The following CAPS2 variants were observed in gnomAD, a reference collection of about 807,000 sequenced individuals.
CAPS2 encodes the protein calcyphosine 2.
Under a neutral mutation model 86.5 loss-of-function variants are expected in CAPS2, and 98 were observed. The ratio of observed to expected loss-of-function variants is 1.13; its 90% CI spans 0.96 to 1.34. The LOEUF (loss-of-function observed/expected upper bound fraction) is 1.34, where lower values mean the gene tolerates loss of function less well. Ranked by LOEUF, CAPS2 falls within the 40% of genes most tolerant of loss-of-function variation. The pLI is 0.00. For missense variants in CAPS2, 729 were observed against 686.8 expected, an observed-to-expected ratio of 1.06 and a Z score of -0.69; for synonymous variants, 210 against 225.1, an observed-to-expected ratio of 0.93 and a Z score of 0.60.
intron 1 of CAPS2, among the ~76,000 whole-genome samples, chr12:75,354,335 A>G (rs1173544660): frequency 2.6e-5 from 4 of 152,262 alleles, no homozygotes; most frequent in East Asian, 3.9e-4. Context: ...CTGTACACCA[A>G]CAACAGACAA....
chr12:75,343,329 T>A (rs1456405605), intron 1 of CAPS2, among the ~76,000 whole-genome samples: 1 of 152,048 alleles, frequency 6.6e-6, no homozygotes, highest in Non-Finnish European at 1.5e-5. Flanking sequence ...TTTGCCCTTT[T>A]TAATTATCAA....
At chr12:75,376,323 C>A (rs150895590) in intron 1 of CAPS2, among the ~76,000 whole-genome samples, 295 of 152,324 alleles carry the variant, frequency 1.9e-3, no homozygotes, top group African/African-American at 6.8e-3. Flanking sequence ...CCTTAATATC[C>A]ATTCCCATAC....
At chr12:75,325,126 T>G (rs749332216) in intron 2 of CAPS2, 113 bp downstream of exon 3, 285 of 951,772 alleles carry the variant, frequency 3.0e-4, no homozygotes, top group Non-Finnish European at 3.9e-4. Flanking sequence ...TATAGATTTT[T>G]CTGTGGTTCA....
At chr12:75,379,210 G>A (rs1447557332) in intron 1 of CAPS2, among the ~76,000 whole-genome samples, 2 of 152,100 alleles carry the variant, frequency 1.3e-5, no homozygotes, top group Non-Finnish European at 2.9e-5. Context: ...TATATTCCCT[G>A]ATGAAGAGGT....
At chr12:75,370,226 T>C in intron 1 of CAPS2, 1 of 945,136 alleles carries the variant, frequency 1.1e-6, no homozygotes, top group Non-Finnish European at 1.7e-6. Context: ...AAAGGAATAG[T>C]TTATTGCTTA....
intron 1 of CAPS2, among the ~76,000 whole-genome samples, chr12:75,339,953 C>A (rs1220427123): frequency 6.6e-6 from 1 of 152,056 alleles, no homozygotes; most frequent in Admixed American, 6.6e-5. Context: ...GTCCATCATT[C>A]TTATGTCCTC....
intron 1 of CAPS2, among the ~76,000 whole-genome samples, chr12:75,373,172 C>T (rs1400868067): frequency 6.6e-6 from 1 of 152,140 alleles, no homozygotes; most frequent in African/African-American, 2.4e-5. Context: ...AGTGGAAGTC[C>T]ATGATGCTGA....
intron 1 of CAPS2, among the ~76,000 whole-genome samples, chr12:75,351,383 A>T (rs970167267): frequency 1.3e-5 from 2 of 152,202 alleles, no homozygotes; most frequent in African/African-American, 2.4e-5. Flanking sequence ...ACACATAATC[A>T]TCAGATTCTC....
chr12:75,286,539 CTCTT>C (rs1289808910), intron 14 of CAPS2, among the ~76,000 whole-genome samples: 2 of 151,510 alleles, frequency 1.3e-5, no homozygotes, highest in East Asian at 3.9e-4. Context: ...AATATATATA[CTCTT>C]TCTTTCAAAG....
At chr12:75,357,945 G>A (rs2043260313) in intron 1 of CAPS2, among the ~76,000 whole-genome samples, 1 of 148,142 alleles carries the variant, frequency 6.8e-6, no homozygotes, top group Non-Finnish European at 1.5e-5. Context: ...GAAACTAGGG[G>A]ACAAAAAAGA....
At chr12:75,309,492 C>G (rs1252007423) in intron 7 of CAPS2, among the ~76,000 whole-genome samples, 5 of 152,218 alleles carry the variant, frequency 3.3e-5, no homozygotes, top group Non-Finnish European at 7.3e-5. Flanking sequence ...CTTGCCCTCT[C>G]TGGCTTTTCC....
upstream of CAPS2, chr12:75,334,622 G>A: frequency 4.0e-6 from 6 of 1,506,426 alleles, no homozygotes; most frequent in Non-Finnish European, 4.4e-6. Context: ...TGTGCGGCAG[G>A]ATGGAGCCAA....
At chr12:75,322,246 T>C (rs375653140) in intron 4 of CAPS2, among the ~76,000 whole-genome samples, 51 of 152,242 alleles carry the variant, frequency 3.3e-4, no homozygotes, top group African/African-American at 1.1e-3. Context: ...CACATTTCCA[T>C]GCGAGTGAGA....
chr12:75,334,887 C>G, upstream of CAPS2: 1 of 1,613,752 alleles, frequency 6.2e-7, no homozygotes, highest in Non-Finnish European at 8.5e-7. Context: ...CTCCCGCGGC[C>G]GACATGAAAT....
intron 8 of CAPS2, among the ~76,000 whole-genome samples, chr12:75,303,067 G>A (rs570227232): frequency 1.3e-5 from 2 of 152,246 alleles, no homozygotes; most frequent in East Asian, 3.9e-4. Context: ...CAAAAGGCAT[G>A]AACAAGGAAG....
intron 7 of CAPS2, chr12:75,305,847 C>A: frequency 1.3e-6 from 1 of 754,438 alleles, no homozygotes. Flanking sequence ...CTCATCCTCG[C>A]CCAGGTGTTC....
intron 1 of CAPS2, among the ~76,000 whole-genome samples, chr12:75,353,105 C>G (rs1414927467): frequency 6.6e-6 from 1 of 151,972 alleles, no homozygotes; most frequent in East Asian, 1.9e-4. Flanking sequence ...CAAGAGCAAA[C>G]AAACCCCAAA....
In CAPS2 at chr12:75,363,233, G is replaced by T. The variant is rs112244827; in HGVS notation, c.-395+27605C>A. On this transcript the variant is annotated intron_variant, in intron 1 of 5. Transcript: ENST00000551829. ...TATATAATTACATTTAGAGAGTAAA[G>T]TTTCCATATATTTATTAAATTTTAA... is the stretch of plus-strand genomic sequence containing the variant. The T allele has an allele frequency of 6.0e-5, 53 of 890,188 alleles. No homozygotes were observed. In the African/African-American group the frequency reaches 8.3e-4, roughly 14 times the overall value. The allele number at this position is 890,188 out of a possible 1,614,324, so 55.1% of individuals were successfully genotyped here.
intron 1 of CAPS2, among the ~76,000 whole-genome samples, chr12:75,379,853 T>TAAAAAA (rs35309353): frequency 8.9e-6 from 1 of 111,926 alleles, no homozygotes; most frequent in Non-Finnish European, 1.8e-5. Flanking sequence ...TCCCTATCAG[T>TAAAAAA]AAAAAAAAAA....
Sources: gnomAD v4.1 joint callset for allele counts (sites outside exome capture counted in the v4.1 genomes callset) on GRCh38, gnomAD v4.1.1 for gene constraint, MANE v1.5 for transcripts, NCBI Gene and HGNC (gene_info 2026-07-23, HGNC 2026-07-21) for gene names.